SOX6: variants seen among roughly 807,000 people sequenced by gnomAD.
SOX6 encodes SRY-box transcription factor 6, also known as transcription factor SOX-6.
In SOX6, 11 loss-of-function variants were observed where a neutral mutation model predicts 97.8. The ratio of observed to expected loss-of-function variants is 0.11; its 90% CI spans 0.07 to 0.19. The LOEUF (loss-of-function observed/expected upper bound fraction) is 0.19. SOX6 is among the 10% of genes least tolerant of loss of function. The pLI is 1.00. For missense variants in SOX6, 810 were observed against 1,039.5 expected (o/e 0.78, Z 3.04); for synonymous variants, 360 against 371.4 (o/e 0.97, Z 0.35).
intron 1 of SOX6, among the ~76,000 whole-genome samples, chr11:16,420,856 G>A (rs1217357497): frequency 6.6e-6 from 1 of 152,118 alleles, no homozygotes; most frequent in Non-Finnish European, 1.5e-5. Context: ...ATATCCAAGA[G>A]TGGAAGAGAC....
At chr11:16,159,734 C>T (rs554545087) in intron 6 of SOX6, among the ~76,000 whole-genome samples, 1 of 152,222 alleles carries the variant, frequency 6.6e-6, no homozygotes, top group Admixed American at 6.5e-5. Flanking sequence ...AAAATAGTCT[C>T]CATTCTATTG....
chr11:16,673,130 G>A (rs2134025487), intron 3 of SOX6, among the ~76,000 whole-genome samples: 1 of 152,092 alleles, frequency 6.6e-6, no homozygotes, highest in South Asian at 2.1e-4. Flanking sequence ...AGTACTAAGA[G>A]GGAAGTTTAT....
At chr11:16,160,234 T>C (rs1850713271) in intron 6 of SOX6, among the ~76,000 whole-genome samples, 1 of 152,122 alleles carries the variant, frequency 6.6e-6, no homozygotes, top group South Asian at 2.1e-4. Flanking sequence ...GAATACTTCA[T>C]CCAACTCAGC....
intron 3 of SOX6, among the ~76,000 whole-genome samples, chr11:16,660,032 G>A (rs78971243): frequency 0.013 from 1,939 of 152,090 alleles, 19 homozygotes; most frequent in Non-Finnish European, 0.02. Flanking sequence ...AGACTATCTG[G>A]AGGCTTATCA....
intron 12 of SOX6, among the ~76,000 whole-genome samples, chr11:16,044,787 C>A (rs564427443): frequency 4.9e-4 from 74 of 152,248 alleles, no homozygotes; most frequent in African/African-American, 1.6e-3. Context: ...TTTTCCCATG[C>A]CCCAAATTCA....
At chr11:16,105,280 C>G (rs933455928) in intron 7 of SOX6, among the ~76,000 whole-genome samples, 1 of 151,692 alleles carries the variant, frequency 6.6e-6, no homozygotes. Context: ...AAAAAAAAAC[C>G]AACATGATCA....
rs745890196 is a variant in SOX6, at chr11:16,585,199, G to A, written n.609+26882C>T. ...AAATTGTAGGATTAGTTCACATTACGTTTCAGTAGTATTCATTTTTACCCC... is the reference window on the plus strand; with the variant it reads ...AAATTGTAGGATTAGTTCACATTACATTTCAGTAGTATTCATTTTTACCCC... On this transcript the variant is annotated intron_variant and non_coding_transcript_variant, in intron 4 of 5. Coordinates refer to the SOX6 transcript ENST00000524520. Among the ~76,000 whole-genome samples the A allele has an allele frequency of 5.8e-4, 88 of 152,130 alleles. 1 individual carries two copies. The highest frequency in any genetic ancestry group is 2.1e-4 in the South Asian group (1 of 4,828).
At chr11:16,036,455 A>G (rs1036110924) in intron 12 of SOX6, among the ~76,000 whole-genome samples, 6 of 152,096 alleles carry the variant, frequency 3.9e-5, no homozygotes, top group African/African-American at 1.4e-4. Flanking sequence ...TGAATATATG[A>G]ATTTTTACTA....
At chr11:16,257,008 T>A (rs1229069892) in intron 3 of SOX6, among the ~76,000 whole-genome samples, 1 of 151,828 alleles carries the variant, frequency 6.6e-6, no homozygotes, top group Non-Finnish European at 1.5e-5. Context: ...TAATAAAATA[T>A]GTAAAAATCT....
chr11:16,216,140 G>A (rs1852365657), intron 4 of SOX6, among the ~76,000 whole-genome samples: 1 of 152,174 alleles, frequency 6.6e-6, no homozygotes, highest in African/African-American at 2.4e-5. Context: ...AGGATTAAGT[G>A]AGATAAAATA....
chr11:16,396,662 G>C (rs1319735153), intron 1 of SOX6, among the ~76,000 whole-genome samples: 1 of 151,402 alleles, frequency 6.6e-6, no homozygotes, highest in African/African-American at 2.4e-5. Context: ...TGATTACATA[G>C]AGTTTCAATA....
chr11:16,678,876 C>T (rs939749689), intron 3 of SOX6, among the ~76,000 whole-genome samples: 7 of 152,180 alleles, frequency 4.6e-5, no homozygotes, highest in East Asian at 1.9e-4. Context: ...GATTGACCTG[C>T]GATGCTGCAG....
Position 16,514,652 on chromosome 11 carries a change from C to A in SOX6, n.610-38264G>T, listed in dbSNP as rs945478564. ...CACTGGTGCGCTGCACCCACTAACT[C>A]GTCATCTAGCATTAGGTATATCTCC... is the stretch of plus-strand genomic sequence containing the variant. On this transcript the variant is annotated intron_variant and non_coding_transcript_variant, in intron 4 of 5. Transcript: ENST00000524520. Among the ~76,000 whole-genome samples the A allele has an allele frequency of 1.2e-4, 18 of 150,488 alleles. 1 individual carries two copies. Among genetic ancestry groups the A allele is most frequent in the Admixed American group, 5.3e-4 (8 of 15,088 alleles).
intron 1 of SOX6, among the ~76,000 whole-genome samples, chr11:16,456,932 G>C (rs1023548771): frequency 2.0e-5 from 3 of 152,008 alleles, no homozygotes; most frequent in African/African-American, 7.2e-5. Flanking sequence ...GGAATTTAGA[G>C]TATAATTATT....
chr11:16,428,701 C>G (rs1281070871), intron 1 of SOX6, among the ~76,000 whole-genome samples: 1 of 152,122 alleles, frequency 6.6e-6, no homozygotes, highest in Admixed American at 6.5e-5. Flanking sequence ...GTTTTGGTAC[C>G]AGTACCATGC....
chr11:16,196,317 C>T (rs1851773640), intron 4 of SOX6, among the ~76,000 whole-genome samples: 1 of 152,196 alleles, frequency 6.6e-6, no homozygotes, highest in Non-Finnish European at 1.5e-5. Flanking sequence ...GAAAGTCTGG[C>T]AACAGATTCT....
intron 12 of SOX6, among the ~76,000 whole-genome samples, chr11:16,037,226 A>G (rs762003435): frequency 4.2e-4 from 64 of 152,214 alleles, no homozygotes; most frequent in Admixed American, 3.5e-3. Flanking sequence ...TAGTACAACA[A>G]GTGGATTCTA....
intron 1 of SOX6, among the ~76,000 whole-genome samples, chr11:16,467,098 A>G (rs1025753884): frequency 6.6e-6 from 1 of 152,208 alleles, no homozygotes; most frequent in South Asian, 2.1e-4. Flanking sequence ...ATACCATCTT[A>G]TATCAGTAAG....
At chr11:16,005,733 T>C (rs1854532441) in intron 13 of SOX6, among the ~76,000 whole-genome samples, 1 of 152,040 alleles carries the variant, frequency 6.6e-6, no homozygotes. Flanking sequence ...GAATTTCTAA[T>C]ATAAATTTAA....
Sources: allele counts gnomAD v4.1 joint callset (sites outside exome capture counted in the v4.1 genomes callset), GRCh38; gene constraint gnomAD v4.1.1; transcripts MANE v1.5; gene names NCBI Gene and HGNC (gene_info 2026-07-23, HGNC 2026-07-21).